The following PRELID2 variants were observed in gnomAD, a reference collection of about 807,000 sequenced individuals.
PRELID2 encodes the protein PRELI domain-containing protein 2.
PRELID2 carries 25 observed loss-of-function variants against 28.4 expected under a neutral mutation model. The observed-to-expected ratio is 0.88, with a 90% CI of 0.64 to 1.23. The LOEUF is 1.23. PRELID2 is among the 50% of genes most tolerant of loss of function. The pLI is 0.00. For synonymous variants in PRELID2, 76 were observed against 71.6 expected (o/e 1.06, Z -0.31); for missense variants, 201 against 214.4 (o/e 0.94, Z 0.39).
At chr5:145,685,374 T>C (rs1755015378) in intron 1 of PRELID2, among the ~76,000 whole-genome samples, 1 of 152,190 alleles carries the variant, frequency 6.6e-6, no homozygotes, top group Non-Finnish European at 1.5e-5. Context: ...CTCCAGTCGC[T>C]AGGTCTTTGC....
chr5:145,514,318 CAAAAAAA>C (rs55760860), intron 1 of PRELID2, among the ~76,000 whole-genome samples: 2 of 67,496 alleles, frequency 3.0e-5, no homozygotes, highest in Non-Finnish European at 3.0e-5. Flanking sequence ...AAATGGAAAG[CAAAAAAA>C]AAAAAAAAGC....
intron 1 of PRELID2, among the ~76,000 whole-genome samples, chr5:145,513,348 G>A (rs867232869): frequency 6.6e-6 from 1 of 151,698 alleles, no homozygotes; most frequent in Non-Finnish European, 1.5e-5. Flanking sequence ...GCATACACAA[G>A]TATCAATAGC....
the PRELID2 span, chr5:145,337,983 A>G: frequency 1.3e-5 from 2 of 152,074 alleles, no homozygotes; most frequent in Non-Finnish European, 2.9e-5. Context: ...TTATATTTCA[A>G]TAAAGCTGGA....
chr5:145,835,222 C>T lies in PRELID2; in HGVS notation c.30G>A (p.Val10=). ...CCACCTGCTCGAAGGGGTACTTGTA[C>T]ACCTGGTGCACATCCACCGAGACCC... MGVSVDVHQ[V]YKYPFEQVVA... is the part of the protein sequence containing the mutation. The change falls in exon 1 of 7, where the codon GTG becomes GTA. Residue 10 remains valine, a synonymous_variant. Transcript: ENST00000683046. 1 of 1,549,998 alleles carries T rather than the reference C, an allele frequency of 6.5e-7. No individual in the cohort carries two copies. Among genetic ancestry groups the T allele is most frequent in the Non-Finnish European group, 8.7e-7 (1 of 1,146,280 alleles).
At chr5:145,375,769 T>A in the PRELID2 span, among the ~76,000 whole-genome samples, 1 of 152,196 alleles carries the variant, frequency 6.6e-6, no homozygotes, top group African/African-American at 2.4e-5. Flanking sequence ...CTGCCACAGC[T>A]GGTTTGGTGG....
the PRELID2 span, among the ~76,000 whole-genome samples, chr5:145,447,469 T>TC: frequency 2.2e-5 from 2 of 91,244 alleles, no homozygotes; most frequent in Non-Finnish European, 2.8e-5. Context: ...ACTGAAATTT[T>TC]CTTTTTTTTT....
intron 1 of PRELID2, among the ~76,000 whole-genome samples, chr5:145,536,240 T>C (rs1752697753): frequency 6.6e-6 from 1 of 151,870 alleles, no homozygotes; most frequent in Non-Finnish European, 1.5e-5. Context: ...TTCCACAAGG[T>C]TATAAAAGTC....
chr5:145,823,401 T>A (rs1754964644), intron 1 of PRELID2, among the ~76,000 whole-genome samples: 1 of 152,212 alleles, frequency 6.6e-6, no homozygotes, highest in Admixed American at 6.5e-5. Flanking sequence ...AATCAGTAAA[T>A]AATAATACTA....
At chr5:145,623,332 C>A (rs1753798304) in intron 1 of PRELID2, among the ~76,000 whole-genome samples, 1 of 151,886 alleles carries the variant, frequency 6.6e-6, no homozygotes, top group South Asian at 2.1e-4. Context: ...CCTGTAATCC[C>A]AGCTACTCGG....
At chr5:145,487,251 A>AG (rs1232923994) in intron 1 of PRELID2, among the ~76,000 whole-genome samples, 4 of 151,878 alleles carry the variant, frequency 2.6e-5, no homozygotes, top group Admixed American at 6.6e-5. Context: ...TAATAAAAAA[A>AG]AAGACTAAGT....
chr5:145,452,262 T>G, the PRELID2 span, among the ~76,000 whole-genome samples: 7 of 152,178 alleles, frequency 4.6e-5, no homozygotes, highest in Non-Finnish European at 8.8e-5. Context: ...TAGTCCATGC[T>G]CATTAGCATA....
chr5:145,708,870 G>A (rs1755616245), intron 1 of PRELID2, among the ~76,000 whole-genome samples: 1 of 152,236 alleles, frequency 6.6e-6, no homozygotes, highest in Admixed American at 6.5e-5. Context: ...TCTCAGTCGG[G>A]TGGGACAAAT....
the PRELID2 span, among the ~76,000 whole-genome samples, chr5:145,398,642 C>T: frequency 6.6e-6 from 1 of 151,904 alleles, no homozygotes; most frequent in Non-Finnish European, 1.5e-5. Flanking sequence ...ATGCACTTGG[C>T]CCTTTTCTAG....
At chr5:145,726,586 T>C (rs1197468200) in intron 1 of PRELID2, among the ~76,000 whole-genome samples, 2 of 152,226 alleles carry the variant, frequency 1.3e-5, no homozygotes, top group East Asian at 1.9e-4. Context: ...TGTACAAGTA[T>C]GTTCACTGGC....
chr5:145,475,157 G>T lies in PRELID2; in HGVS notation n.71-1842C>A, dbSNP rs191621291. On this transcript the variant is annotated intron_variant and non_coding_transcript_variant, in intron 1 of 2. Transcript: ENST00000510259. ...TAGTAGAGTGGCTGGCATATTGCAG[G>T]CACTTTACGAACACTTGTTGAATGA... 2.4e-3 allele frequency among the ~76,000 whole-genome samples: 364 copies of T among 152,220 alleles called. 1 individual carries two copies. Among genetic ancestry groups the T allele is most frequent in the African/African-American group, 8.0e-3 (334 of 41,540 alleles).
chr5:145,676,220 CAAAAAAAAA>C (rs34833967), intron 1 of PRELID2, among the ~76,000 whole-genome samples: 14 of 53,602 alleles, frequency 2.6e-4, no homozygotes, highest in African/African-American at 8.4e-4. Flanking sequence ...AACTCCATCT[CAAAAAAAAA>C]AAAAAAAAAA....
chr5:145,742,085 T>A (rs1756822266), intron 1 of PRELID2, among the ~76,000 whole-genome samples: 1 of 37,114 alleles, frequency 2.7e-5, no homozygotes, highest in Admixed American at 3.7e-4. Context: ...CGTAATTATA[T>A]ATTTATAATT....
At chr5:145,468,831 G>A (rs1334688844), downstream of PRELID2, among the ~76,000 whole-genome samples, 3 of 152,098 alleles carry the variant, frequency 2.0e-5, no homozygotes, top group Non-Finnish European at 2.9e-5. Context: ...TGTCAGATGA[G>A]TAGATTGCAA....
intron 1 of PRELID2, among the ~76,000 whole-genome samples, chr5:145,583,388 G>A (rs1473049119): frequency 6.6e-6 from 1 of 152,066 alleles, no homozygotes; most frequent in African/African-American, 2.4e-5. Flanking sequence ...CACAAGACAA[G>A]GATGCCCTCT....
Sources: allele counts gnomAD v4.1 joint callset (sites outside exome capture counted in the v4.1 genomes callset), GRCh38; gene constraint gnomAD v4.1.1; transcripts MANE v1.5; gene names NCBI Gene and HGNC (gene_info 2026-07-23, HGNC 2026-07-21).